The following CPZ variants were observed in gnomAD, a reference collection of about 807,000 sequenced individuals.
The protein encoded by CPZ is VEZT/CPZ fusion.
A neutral mutation model predicts 61.8 loss-of-function variants in CPZ; 103 were observed. That is an observed-to-expected ratio of 1.67 (90% CI 1.42 to 1.96). The LOEUF is 1.96. Ranked by LOEUF, CPZ falls within the 30% of genes most tolerant of loss-of-function variation. The pLI is 0.00. For synonymous variants in CPZ, 551 were observed against 373.7 expected, an observed-to-expected ratio of 1.47 and a Z score of -5.47; for missense variants, 1,461 against 914.9, an observed-to-expected ratio of 1.60 and a Z score of -7.70.
chr4:8,610,927 G>C (rs558675171), intron 7 of CPZ, among the ~76,000 whole-genome samples: 23 of 152,328 alleles, frequency 1.5e-4, no homozygotes, highest in African/African-American at 5.5e-4. Context: ...CGAGTCTCAT[G>C]ACCCCCACCA....
intron 4 of CPZ, 98 bp downstream of exon 4, chr4:8,604,286 C>T (rs1159992238): frequency 1.0e-5 from 12 of 1,168,164 alleles, no homozygotes; most frequent in South Asian, 9.6e-5. Context: ...GTTTGGGGTC[C>T]TGGGCAGAGC....
intron 2 of CPZ, 32 bp downstream of exon 2, chr4:8,599,517 C>A (rs1380178116): frequency 1.9e-6 from 3 of 1,612,488 alleles, no homozygotes. Flanking sequence ...GGCTTCTGTT[C>A]TGTAGGAGGG....
At chr4:8,594,966 G>A (rs1319345487) in intron 1 of CPZ, among the ~76,000 whole-genome samples, 1 of 152,108 alleles carries the variant, frequency 6.6e-6, no homozygotes, top group Non-Finnish European at 1.5e-5. Context: ...TAGAGACAGG[G>A]TTTCACCGTG....
intron 9 of CPZ, among the ~76,000 whole-genome samples, chr4:8,616,408 C>T (rs747281295): frequency 6.6e-6 from 1 of 152,174 alleles, no homozygotes; most frequent in Non-Finnish European, 1.5e-5. Context: ...CAGGCTGATG[C>T]TGAGGGCCTC....
chr4:8,612,582 A>G (rs901266770), intron 8 of CPZ, among the ~76,000 whole-genome samples: 8 of 152,326 alleles, frequency 5.3e-5, no homozygotes, highest in Middle Eastern at 6.8e-3. Context: ...AAGAACCCGC[A>G]TGGGGTGGAC....
intron 8 of CPZ, among the ~76,000 whole-genome samples, chr4:8,613,133 CTTTTTTT>C: frequency 7.4e-6 from 1 of 134,712 alleles, no homozygotes; most frequent in East Asian, 2.2e-4. Flanking sequence ...CTCTCTGTTC[CTTTTTTT>C]TTTTTTTTTT....
At chr4:8,600,992 C>T (rs1244594517) in intron 2 of CPZ, 131 bp from the exon 3 acceptor site, 1 of 1,418,014 alleles carries the variant, frequency 7.1e-7, no homozygotes, top group South Asian at 1.6e-5. Context: ...TGTCCTGGTC[C>T]TCCCCTGCCA....
intron 9 of CPZ, chr4:8,618,173 G>A (rs979835100): frequency 8.0e-6 from 4 of 497,862 alleles, no homozygotes; most frequent in African/African-American, 7.8e-5. Flanking sequence ...GAGTCAGCCA[G>A]GCCTCGGGTG....
chr4:8,617,541 A>G (rs1297594629), intron 9 of CPZ, among the ~76,000 whole-genome samples: 2 of 152,228 alleles, frequency 1.3e-5, no homozygotes, highest in African/African-American at 4.8e-5. Context: ...TCTCCAACCT[A>G]AAATGTTTTG....
intron 9 of CPZ, 155 bp from the exon 10 acceptor site, chr4:8,618,274 A>G: frequency 1.5e-6 from 1 of 646,974 alleles, no homozygotes; most frequent in Non-Finnish European, 2.7e-6. Flanking sequence ...CTGACTCGTT[A>G]AAGATGGCAG....
chr4:8,605,578 GCCATCCAGCCAGCCATTATTCATCCAT>G (rs976317956), intron 4 of CPZ, among the ~76,000 whole-genome samples: 17 of 108,826 alleles, frequency 1.6e-4, no homozygotes, highest in Non-Finnish European at 2.6e-4. Context: ...TATCCATCCA[GCCATCCAGCCAGCCATTATTCATCCAT>G]CCATCCATCC....
At chr4:8,616,629 G>C (rs1008882223) in intron 9 of CPZ, among the ~76,000 whole-genome samples, 4 of 152,204 alleles carry the variant, frequency 2.6e-5, no homozygotes, top group Non-Finnish European at 5.9e-5. Flanking sequence ...TGAGGGGCTG[G>C]TGAGGGTATT....
chr4:8,596,260 C>T (rs1010267343), intron 1 of CPZ, among the ~76,000 whole-genome samples: 3 of 152,328 alleles, frequency 2.0e-5, no homozygotes, highest in Admixed American at 6.5e-5. Flanking sequence ...CCATGTTGGC[C>T]AGGCTGGTCT....
intron 8 of CPZ, among the ~76,000 whole-genome samples, chr4:8,613,016 G>T (rs192679754): frequency 4.8e-4 from 73 of 152,284 alleles, no homozygotes; most frequent in African/African-American, 1.7e-3. Context: ...CTGGTGCGGC[G>T]CAGCCTCTCT....
intron 3 of CPZ, chr4:8,602,147 G>A (rs1714626162): frequency 6.6e-6 from 1 of 152,292 alleles, no homozygotes; most frequent in Non-Finnish European, 1.5e-5. Flanking sequence ...GGGCCACCAT[G>A]GGCCACTTGT....
intron 8 of CPZ, 73 bp from the exon 9 acceptor site, chr4:8,614,280 GTGCGGC>G (rs1715968939): frequency 6.7e-7 from 1 of 1,492,792 alleles, no homozygotes; most frequent in African/African-American, 1.5e-5. Context: ...GGCTGTCTCT[GTGCGGC>G]TGACACCCCT....
At chr4:8,608,791 G>GCAGGT (rs202185290) in intron 7 of CPZ, among the ~76,000 whole-genome samples, 3 of 151,628 alleles carry the variant, frequency 2.0e-5, no homozygotes, top group Admixed American at 6.6e-5. Flanking sequence ...GCAGGGCAGG[G>GCAGGT]AGGGGCACTG....
In CPZ at chr4:8,596,449, TG is replaced by T. The variant is rs764998933; in HGVS notation, c.89-2999del. On this transcript the variant is annotated intron_variant, in intron 1 of 10. Coordinates refer to ENST00000360986, the MANE Select transcript of CPZ (RefSeq NM_001014447.3). ...CCTTGCACATGGCGGCCAGTGGAAGTGGGGGTGACCCAGCCAGCAGACACTC... is the reference window on the plus strand; with the variant it reads ...CCTTGCACATGGCGGCCAGTGGAAGTGGGGTGACCCAGCCAGCAGACACTC... 2.8e-4 allele frequency among the ~76,000 whole-genome samples: 43 copies of T among 152,230 alleles called. 1 individual carries two copies. Among genetic ancestry groups the T allele is most frequent in the Non-Finnish European group, 4.1e-4 (28 of 67,998 alleles).
intron 1 of CPZ, 66 bp downstream of exon 1, chr4:8,592,987 C>T (rs890241383): frequency 1.5e-6 from 2 of 1,301,756 alleles, no homozygotes; most frequent in East Asian, 2.6e-5. Flanking sequence ...TGTGATCCGT[C>T]GCTTCCCAGG....
Sources: gnomAD v4.1 joint callset for allele counts (sites outside exome capture counted in the v4.1 genomes callset) on GRCh38, gnomAD v4.1.1 for gene constraint, MANE v1.5 for transcripts, NCBI Gene and HGNC (gene_info 2026-07-23, HGNC 2026-07-21) for gene names.